WDR75: variants seen among roughly 807,000 people sequenced by gnomAD.
WDR75 encodes the protein WD repeat-containing protein 75.
A neutral mutation model predicts 106.1 loss-of-function variants in WDR75; 52 were observed. That is an observed-to-expected ratio of 0.49 (90% CI 0.39 to 0.62). The LOEUF (loss-of-function observed/expected upper bound fraction) is 0.62. WDR75 is among the 20% of genes least tolerant of loss of function. WDR75 has a pLI of 0.00. For missense variants in WDR75, 905 were observed against 970.3 expected, an observed-to-expected ratio of 0.93 and a Z score of 0.89; for synonymous variants, 333 against 335.5, an observed-to-expected ratio of 0.99 and a Z score of 0.08.
chr2:189,458,641 C>G lies in WDR75; in HGVS notation c.570-112C>G, dbSNP rs555421455. ...ATCCTGCAGTTATATTTATTGAATTCTGAGCTCTACAATTTTGGTTGCTAT... is the reference window on the plus strand; with the variant it reads ...ATCCTGCAGTTATATTTATTGAATTGTGAGCTCTACAATTTTGGTTGCTAT... On this transcript the variant is annotated intron_variant, in intron 6 of 20. Coordinates refer to ENST00000314761, the MANE Select transcript of WDR75 (RefSeq NM_032168.3). The G allele has an allele frequency of 1.7e-5, 15 of 868,980 alleles. No homozygotes were observed. In the African/African-American group the frequency reaches 2.2e-4, roughly 13 times the overall value. 53.8% of individuals were successfully genotyped at this position (868,980 alleles called of 1,614,324 possible).
rs375767199 is a variant in WDR75 at position 189,466,405 on chromosome 2, T to C, written c.1290-20T>C. 37 of 1,609,890 alleles carry C rather than the reference T, an allele frequency of 2.3e-5. No individual in the cohort carries two copies. Among genetic ancestry groups the C allele is most frequent in the Non-Finnish European group, 3.0e-5 (35 of 1,178,076 alleles). On this transcript the variant is annotated intron_variant, in intron 12 of 20. Transcript: ENST00000314761. ...CTTTGTCCTCATGCAAGAATAAATT[T>C]GTGGTTTCCTTCCCGCTAGGTTTAT...
rs377043285 is a variant in WDR75 at position 189,459,432 on chromosome 2, C to A, written c.778+8C>A. On this transcript the variant is annotated splice_region_variant and intron_variant, in intron 8 of 20. Transcript: ENST00000314761. ...TGGCTTTTTCAGTGACAGGTAAGTGCGGGTTTAATTATTAAAATGAACTTT... is the reference window on the plus strand; with the variant it reads ...TGGCTTTTTCAGTGACAGGTAAGTGAGGGTTTAATTATTAAAATGAACTTT... 5.0e-6 allele frequency: 8 copies of A among 1,603,784 alleles called. No individual in the cohort carries two copies. The East Asian group carries it at 1.6e-4, about 31-fold the overall frequency.
intron 20 of WDR75, 69 bp from the exon 21 acceptor site, chr2:189,475,144 T>A (rs937746262): frequency 8.8e-7 from 1 of 1,141,220 alleles, no homozygotes; most frequent in African/African-American, 1.6e-5. Flanking sequence ...TCTACATAGG[T>A]GTCAAATTAG....
At chr2:189,452,247 G>A (rs1034865062) in intron 4 of WDR75, among the ~76,000 whole-genome samples, 1 of 152,026 alleles carries the variant, frequency 6.6e-6, no homozygotes, top group Non-Finnish European at 1.5e-5. Context: ...TTAAGTCAGG[G>A]TGGAAATGGC....
rs553421246 is a variant in WDR75 at position 189,467,504 on chromosome 2, G to C, written c.1484G>C (p.Ser495Thr). 5 of 1,604,358 alleles carry C rather than the reference G, an allele frequency of 3.1e-6. No individual in the cohort carries two copies. The African/African-American group carries it at 5.4e-5, about 17-fold the overall frequency. ...AVGWTCDFVGSYHKYQATNCC... is the reference protein window; with the variant it reads ...AVGWTCDFVGTYHKYQATNCC... ...GGCTGGACCTGTGACTTTGTTGGTA[G>C]TTATCACAAGTATCAAGCAACTAAC... Residue 495 changes from serine (S) to threonine (T), a missense_variant, in exon 14 of 21, where the codon AGT becomes ACT. By Grantham distance (58) the Ser-to-Thr change is moderately conservative (BLOSUM62 1). Transcript: ENST00000314761.
Position 189,463,887 on chromosome 2 carries a change from A to G in WDR75, c.1039A>G (p.Lys347Glu). The stretch of plus-strand genomic sequence containing the variant: ...TGGTTTGATGATTGATCCAAGAACT[A>G]AAGCTTTGGTTTTGAATGGAAAACC... ...FTGLMIDPRT[K>E]ALVLNGKPGH... Residue 347 changes from lysine (K) to glutamate (E), a missense_variant, in exon 11 of 21, where the codon AAA (lysine) becomes GAA (glutamate). Lys to Glu is a moderately conservative substitution (Grantham distance 56). Transcript: ENST00000314761. The G allele has an allele frequency of 3.1e-6, 5 of 1,613,934 alleles. No individual in the cohort carries two copies. Among genetic ancestry groups the G allele is most frequent in the Non-Finnish European group, 4.2e-6 (5 of 1,179,852 alleles).
chr2:189,448,258 C>T (rs931765954), intron 1 of WDR75, 121 bp from the exon 2 acceptor site: 16 of 1,092,332 alleles, frequency 1.5e-5, no homozygotes, highest in South Asian at 2.2e-5. Context: ...CCCAGGCAGG[C>T]GTATCACTTG....
At chr2:189,443,168 C>T (rs973054548) in intron 1 of WDR75, among the ~76,000 whole-genome samples, 2 of 152,192 alleles carry the variant, frequency 1.3e-5, no homozygotes, top group African/African-American at 2.4e-5. Context: ...ATTTTTCTTA[C>T]TGTGGTCCTG....
intron 11 of WDR75, chr2:189,464,249 G>T: frequency 3.1e-6 from 1 of 322,126 alleles, no homozygotes. Context: ...TGAGTCACAA[G>T]GATAAAGAAA....
intron 3 of WDR75, among the ~76,000 whole-genome samples, chr2:189,451,227 A>G (rs539164673): frequency 1.3e-5 from 2 of 152,356 alleles, no homozygotes; most frequent in South Asian, 2.1e-4. Context: ...GGAAAAACTA[A>G]TAGCCTGGTA....
At position 189,473,227 on chromosome 2, in the gene WDR75, A is replaced by G. The variant is rs553220616; in HGVS notation, c.2050-959A>G. ...ACAAGACTCCATCTCAAAAAAAAAA[A>G]TTATAAGAAAGAGAAAAATATATTT... On this transcript the variant is annotated intron_variant, in intron 18 of 20. Transcript: ENST00000314761. Among the ~76,000 whole-genome samples, 11 of 152,222 alleles carry G rather than the reference A, an allele frequency of 7.2e-5. No homozygotes were observed. In the East Asian group the frequency reaches 2.1e-3, roughly 29 times the overall value.
At chr2:189,474,529 G>C (rs896416472) in intron 19 of WDR75, among the ~76,000 whole-genome samples, 188 bp from the exon 20 acceptor site, 1 of 152,090 alleles carries the variant, frequency 6.6e-6, no homozygotes, top group African/African-American at 2.4e-5. Flanking sequence ...GGATAGGGGT[G>C]GTTGTTGGCA....
rs759915280 is a variant in WDR75, at chr2:189,475,229, G to A, written c.2305G>A (p.Glu769Lys). The change falls in exon 21 of 21, where the codon GAA (glutamate) becomes AAA (lysine). Residue 769 changes from glutamate (E) to lysine (K), a missense_variant. Transcript: ENST00000314761. Reference sequence around the variant, plus strand: ...TTGTTAAAGTGCTAAGGAAATTCCTGAAGATGTAGATATGGAAGAAGAAAA... The same window carrying A: ...TTGTTAAAGTGCTAAGGAAATTCCTAAAGATGTAGATATGGAAGAAGAAAA... Reference protein sequence around the residue: ...KETKSAKEIPEDVDMEEEKES... With the variant: ...KETKSAKEIPKDVDMEEEKES... The A allele has an allele frequency of 3.1e-6, 5 of 1,608,876 alleles. No homozygotes were observed. In the East Asian group the frequency reaches 1.1e-4, roughly 36 times the overall value.
chr2:189,446,335 C>T (rs1043473663), intron 1 of WDR75, among the ~76,000 whole-genome samples: 1 of 152,116 alleles, frequency 6.6e-6, no homozygotes, highest in East Asian at 1.9e-4. Context: ...AAGGACTGTA[C>T]CTGGAGACTG....
intron 1 of WDR75, among the ~76,000 whole-genome samples, chr2:189,444,582 A>C (rs914748599): frequency 1.3e-5 from 2 of 152,208 alleles, no homozygotes; most frequent in East Asian, 3.9e-4. Context: ...CTAATGTCCC[A>C]AACTCAGTAT....
At chr2:189,469,988 G>A (rs1349758688) in intron 16 of WDR75, 88 bp from the exon 17 acceptor site, 2 of 1,187,252 alleles carry the variant, frequency 1.7e-6, no homozygotes, top group African/African-American at 1.5e-5. Flanking sequence ...AATGGGGTGA[G>A]TCCCAGGATT....
Position 189,448,447 on chromosome 2 carries a change from T to TA in WDR75, c.156dup (p.Leu53ThrfsTer14), listed in dbSNP as rs1442329069. 2 of 1,613,870 alleles carry TA rather than the reference T, an allele frequency of 1.2e-6. No individual in the cohort carries two copies. The highest frequency in any genetic ancestry group is 1.7e-6 in the Non-Finnish European group (2 of 1,179,846). On this transcript the variant is annotated frameshift_variant, in exon 2 of 21. Transcript: ENST00000314761. LOFTEE classifies it high-confidence loss of function. Reference sequence around the variant, plus strand: ...ACAGTTACAGAAGAGTGTGTACACATACTGCATGGACACAGAAATCTGGTG... The same window carrying TA: ...ACAGTTACAGAAGAGTGTGTACACATAACTGCATGGACACAGAAATCTGGTG...
At chr2:189,466,947 G>A (rs1200092727) in intron 13 of WDR75, among the ~76,000 whole-genome samples, 3 of 152,002 alleles carry the variant, frequency 2.0e-5, no homozygotes, top group Admixed American at 6.6e-5. Context: ...AGAAGTTGTG[G>A]GGAACAGGTT....
intron 14 of WDR75, 141 bp from the exon 15 acceptor site, chr2:189,468,334 C>T: frequency 1.5e-6 from 1 of 685,408 alleles, no homozygotes. Context: ...ACACTTTTTT[C>T]TTCAGGATAA....
Sources: gnomAD v4.1 joint callset for allele counts (sites outside exome capture counted in the v4.1 genomes callset) on GRCh38, gnomAD v4.1.1 for gene constraint, MANE v1.5 for transcripts, NCBI Gene and HGNC (gene_info 2026-07-23, HGNC 2026-07-21) for gene names.